Variants in APBA2 observed in about 807,000 individuals in gnomAD.
APBA2 encodes the protein amyloid beta precursor protein binding family A member 2.
APBA2 carries 30 observed loss-of-function variants against 75.0 expected under a neutral mutation model. The observed-to-expected ratio is 0.40, with a 90% CI of 0.30 to 0.54. The LOEUF is 0.54. Among genes scored for constraint, APBA2 ranks in the 20% least tolerant of loss-of-function variants. The pLI is 0.49. For synonymous variants in APBA2, 444 were observed against 409.6 expected (o/e 1.08, Z -1.01); for missense variants, 801 against 1,016.1 (o/e 0.79, Z 2.88).
rs140210937 is a variant in APBA2 at position 28,964,588 on chromosome 15, A to G, written c.-94-31165A>G. On this transcript the variant is annotated intron_variant, in intron 2 of 14. Transcript: ENST00000683413. ...CTGCAACCTCCGCCTCCTAGATTCA[A>G]GTGATTCTCCTGCCTCAGCCTCCCG... Among the ~76,000 whole-genome samples the G allele has an allele frequency of 3.7e-3, 555 of 151,708 alleles. 1 individual carries two copies. The highest frequency in any genetic ancestry group is 0.012 in the African/African-American group (515 of 41,332).
intron 8 of APBA2, among the ~76,000 whole-genome samples, chr15:29,096,002 T>TTA (rs1444823264): frequency 6.6e-6 from 1 of 152,160 alleles, no homozygotes; most frequent in Non-Finnish European, 1.5e-5. Context: ...GCTGCCGCCT[T>TTA]TAGAGGGGTT....
At chr15:29,115,408 G>T (rs2045034004) in intron 14 of APBA2, among the ~76,000 whole-genome samples, 2 of 152,162 alleles carry the variant, frequency 1.3e-5, no homozygotes, top group South Asian at 2.1e-4. Context: ...TGGCTCAGGA[G>T]GAGGAGGGGC....
At chr15:29,102,186 T>G in intron 10 of APBA2, 1 of 312,728 alleles carries the variant, frequency 3.2e-6, no homozygotes, top group Non-Finnish European at 6.1e-6. Context: ...AGTTCTGCCT[T>G]TGCGTGTGGT....
At chr15:28,974,074 A>ACC (rs2037208583) in intron 2 of APBA2, among the ~76,000 whole-genome samples, 1 of 152,174 alleles carries the variant, frequency 6.6e-6, no homozygotes, top group South Asian at 2.1e-4. Context: ...ACATAGTGGC[A>ACC]CCCAACTCTA....
At chr15:29,101,865 C>A in intron 10 of APBA2, 81 bp downstream of exon 10, 1 of 1,419,728 alleles carries the variant, frequency 7.0e-7, no homozygotes, top group Non-Finnish European at 9.8e-7. Flanking sequence ...CTGTGGAAAC[C>A]ACCCTCAGGT....
intron 2 of APBA2, among the ~76,000 whole-genome samples, chr15:28,963,518 G>A (rs1006635659): frequency 2.6e-5 from 4 of 152,144 alleles, no homozygotes; most frequent in Non-Finnish European, 5.9e-5. Flanking sequence ...TGCCAGAGTC[G>A]GAATTTGAAC....
chr15:28,896,646 G>C (rs1437139085), intron 1 of APBA2, among the ~76,000 whole-genome samples: 2 of 152,156 alleles, frequency 1.3e-5, no homozygotes, highest in African/African-American at 4.8e-5. Context: ...TCACAGCAGG[G>C]ATCACTGCCT....
chr15:28,982,652 A>T (rs367637157), intron 2 of APBA2, among the ~76,000 whole-genome samples: 1 of 152,250 alleles, frequency 6.6e-6, no homozygotes, highest in Admixed American at 6.5e-5. Context: ...AAGTCTAGTC[A>T]TTGGAAAATA....
intron 4 of APBA2, among the ~76,000 whole-genome samples, chr15:29,059,101 C>T (rs749987594): frequency 1.8e-4 from 28 of 152,256 alleles, no homozygotes; most frequent in Non-Finnish European, 3.7e-4. Context: ...AGTCACCCAA[C>T]TCTCACGTTC....
intron 3 of APBA2, among the ~76,000 whole-genome samples, chr15:29,049,283 G>A (rs1047982734): frequency 6.6e-6 from 1 of 152,170 alleles, no homozygotes; most frequent in African/African-American, 2.4e-5. Flanking sequence ...AATCACTGGG[G>A]TAACCATCGT....
chr15:28,999,375 C>A (rs1000886659), intron 3 of APBA2, among the ~76,000 whole-genome samples: 1 of 152,064 alleles, frequency 6.6e-6, no homozygotes, highest in African/African-American at 2.4e-5. Flanking sequence ...ATCAAGAACT[C>A]TTTCAAATTA....
chr15:29,063,975 C>T (rs1279360708), intron 4 of APBA2, among the ~76,000 whole-genome samples: 2 of 152,074 alleles, frequency 1.3e-5, no homozygotes, highest in African/African-American at 2.4e-5. Context: ...GGTGCCCCCA[C>T]GCTGTCCCCT....
chr15:28,947,614 G>A (rs17680945), intron 2 of APBA2, among the ~76,000 whole-genome samples: 7,734 of 152,182 alleles, frequency 0.051, 509 homozygotes, highest in East Asian at 0.33. Context: ...TGAGAGGCCC[G>A]TAGCCCAGGC....
rs1167557027 is a variant in APBA2 at position 29,117,199 on chromosome 15, A to T, written c.*66A>T. The T allele has an allele frequency of 1.3e-6, 2 of 1,513,224 alleles. No homozygotes were observed. Among genetic ancestry groups the T allele is most frequent in the Non-Finnish European group, 1.8e-6 (2 of 1,091,252 alleles). 93.7% of individuals were successfully genotyped at this position (1,513,224 alleles called of 1,614,324 possible). A position where few individuals can be genotyped will look rare whatever the true frequency, so the allele number is the denominator to read the frequency against. On this transcript the variant is annotated 3_prime_UTR_variant, in exon 15 of 15. Transcript: ENST00000683413. ...GCCGCCCGGGCCCAGAGGAGCTGGG[A>T]GCCGGGCCGCAGACTTGACCCCGAC... is the stretch of plus-strand genomic sequence containing the variant.
chr15:28,915,544 C>G (rs1373266687), intron 1 of APBA2, among the ~76,000 whole-genome samples: 1 of 150,648 alleles, frequency 6.6e-6, no homozygotes, highest in African/African-American at 2.5e-5. Flanking sequence ...AGACACCATA[C>G]ACACATCACA....
intron 4 of APBA2, among the ~76,000 whole-genome samples, chr15:29,061,963 C>T (rs1481648905): frequency 2.6e-5 from 4 of 152,132 alleles, no homozygotes; most frequent in Non-Finnish European, 5.9e-5. Context: ...ATGGGGTGGT[C>T]CTGCACAGAG....
intron 3 of APBA2, among the ~76,000 whole-genome samples, chr15:29,025,829 T>C (rs906990889): frequency 6.6e-6 from 1 of 151,844 alleles, no homozygotes; most frequent in African/African-American, 2.4e-5. Context: ...TGGGTGCCTG[T>C]AATCCCAGCT....
intron 4 of APBA2, among the ~76,000 whole-genome samples, chr15:29,069,309 C>A (rs2042515772): frequency 6.6e-6 from 1 of 152,198 alleles, no homozygotes; most frequent in African/African-American, 2.4e-5. Context: ...TGAATAGTGC[C>A]ACTGTGACCA....
At chr15:29,066,347 G>T (rs907088715) in intron 4 of APBA2, among the ~76,000 whole-genome samples, 9 of 152,258 alleles carry the variant, frequency 5.9e-5, no homozygotes, top group East Asian at 1.9e-4. Flanking sequence ...AAGTACAAAA[G>T]AAAAGGATTT....
Sources: gnomAD v4.1 joint callset for allele counts (sites outside exome capture counted in the v4.1 genomes callset) on GRCh38, gnomAD v4.1.1 for gene constraint, MANE v1.5 for transcripts, NCBI Gene and HGNC (gene_info 2026-07-23, HGNC 2026-07-21) for gene names.